Variants in UBE2W observed in about 807,000 individuals in gnomAD.
The protein encoded by UBE2W is ubiquitin conjugating enzyme E2 W, also known as ubiquitin-conjugating enzyme E2 W.
A neutral mutation model predicts 27.2 loss-of-function variants in UBE2W; 18 were observed. That is an observed-to-expected ratio of 0.66 (90% CI 0.46 to 0.98). The LOEUF (loss-of-function observed/expected upper bound fraction) is 0.98. Among genes scored for constraint, UBE2W ranks in the 50% least tolerant of loss-of-function variants. The pLI is 0.00. For synonymous variants in UBE2W, 53 were observed against 57.2 expected, an observed-to-expected ratio of 0.93 and a Z score of 0.33; for missense variants, 90 against 180.2, an observed-to-expected ratio of 0.50 and a Z score of 2.87.
At chr8:73,796,074 AAAAAAAAAAAG>A (rs1808401951) in intron 5 of UBE2W, among the ~76,000 whole-genome samples, 1 of 149,598 alleles carries the variant, frequency 6.7e-6, no homozygotes, top group African/African-American at 2.5e-5. Flanking sequence ...AAAAAAAAAA[AAAAAAAAAAAG>A]GGGGATGTTC....
intron 2 of UBE2W, 134 bp from the exon 3 acceptor site, chr8:73,825,383 C>A: frequency 1.7e-6 from 1 of 577,918 alleles, no homozygotes. Context: ...CACATGCCAG[C>A]CTCCCAATAA....
chr8:73,851,142 T>A (rs948216795), intron 1 of UBE2W, among the ~76,000 whole-genome samples: 2 of 152,146 alleles, frequency 1.3e-5, no homozygotes, highest in African/African-American at 2.4e-5. Context: ...TAAGACACCA[T>A]GCCCAGCGTC....
intron 3 of UBE2W, among the ~76,000 whole-genome samples, chr8:73,822,954 C>G (rs1196846804): frequency 6.6e-6 from 1 of 152,016 alleles, no homozygotes; most frequent in Non-Finnish European, 1.5e-5. Context: ...ACAAAATGTT[C>G]TTTGTTATTG....
At chr8:73,837,887 C>G (rs1810372851) in intron 1 of UBE2W, among the ~76,000 whole-genome samples, 1 of 152,018 alleles carries the variant, frequency 6.6e-6, no homozygotes, top group Admixed American at 6.5e-5. Context: ...GGCGAAAAGG[C>G]CTAAAGTTAT....
intron 1 of UBE2W, among the ~76,000 whole-genome samples, chr8:73,864,852 T>C (rs1273216507): frequency 6.6e-6 from 1 of 150,566 alleles, no homozygotes; most frequent in Non-Finnish European, 1.5e-5. Flanking sequence ...TCCACCCAAC[T>C]CAGCCTCCCA....
At chr8:73,805,472 C>CAAAAAAAAAAACAAAAAAAAAAAAA in intron 5 of UBE2W, among the ~76,000 whole-genome samples, 179 bp downstream of exon 5, 5 of 43,694 alleles carry the variant, frequency 1.1e-4, no homozygotes, top group Admixed American at 7.7e-4. Flanking sequence ...AAAAAAAAAA[C>CAAAAAAAAAAACAAAAAAAAAAAAA]AAAAAAAACT....
Position 73,793,861 on chromosome 8 carries a change from T to A in UBE2W, c.*241A>T. On this transcript the variant is annotated 3_prime_UTR_variant, in exon 6 of 6. Coordinates refer to ENST00000602593, the MANE Select transcript of UBE2W (RefSeq NM_018299.6). ...ATAAAAATAAAAAATGGAATTATAT[T>A]TGACATTTCCTGACACCTGCATTAA... The A allele has an allele frequency of 8.0e-7, 1 of 1,245,132 alleles. No individual in the cohort carries two copies. Among genetic ancestry groups the A allele is most frequent in the Non-Finnish European group, 1.0e-6 (1 of 987,442 alleles). The allele number at this position is 1,245,132 out of a possible 1,614,324, so 77.1% of individuals were successfully genotyped here.
chr8:73,785,625 G>A (rs913585848), downstream of UBE2W, among the ~76,000 whole-genome samples: 1 of 151,310 alleles, frequency 6.6e-6, no homozygotes, highest in Non-Finnish European at 1.5e-5. Context: ...ACGGAATCTC[G>A]CTCTGTCCCA....
At chr8:73,867,520 CGA>C (rs1364896207) in intron 1 of UBE2W, among the ~76,000 whole-genome samples, 1 of 150,724 alleles carries the variant, frequency 6.6e-6, no homozygotes, top group African/African-American at 2.4e-5. Context: ...GGCAACAGGG[CGA>C]GACTCTGTCT....
At chr8:73,824,323 G>A (rs1179772331) in intron 3 of UBE2W, among the ~76,000 whole-genome samples, 1 of 152,044 alleles carries the variant, frequency 6.6e-6, no homozygotes, top group African/African-American at 2.4e-5. Flanking sequence ...AACTCACTGG[G>A]CATCAAATTA....
intron 1 of UBE2W, among the ~76,000 whole-genome samples, chr8:73,857,340 C>T (rs944162306): frequency 6.6e-6 from 1 of 152,034 alleles, no homozygotes; most frequent in Non-Finnish European, 1.5e-5. Flanking sequence ...AGGTAGATAG[C>T]AAACTAAAGT....
downstream of UBE2W, among the ~76,000 whole-genome samples, chr8:73,782,868 A>T (rs1228200608): frequency 6.6e-6 from 1 of 152,210 alleles, no homozygotes; most frequent in Non-Finnish European, 1.5e-5. Flanking sequence ...AAGTGGTTAT[A>T]CAATTCTAAA....
rs1807988316 is a variant in UBE2W at position 73,787,109 on chromosome 8, C to T, written c.*6993G>A. 1.0e-6 allele frequency: 1 copy of T among 985,368 alleles called. No homozygotes were observed. 61.0% of individuals were successfully genotyped at this position (985,368 alleles called of 1,614,324 possible). A position where few individuals can be genotyped will look rare whatever the true frequency, so the allele number is the denominator to read the frequency against. On this transcript the variant is annotated 3_prime_UTR_variant, in exon 6 of 6. Transcript: ENST00000602593. ...TAACTGTAAAGGGCGTAGGGATTCCCACTTATGTATTTTGCATTATGCAGG... is the reference window on the plus strand; with the variant it reads ...TAACTGTAAAGGGCGTAGGGATTCCTACTTATGTATTTTGCATTATGCAGG...
intron 1 of UBE2W, among the ~76,000 whole-genome samples, chr8:73,840,845 A>G (rs188449068): frequency 2.0e-5 from 3 of 152,326 alleles, no homozygotes; most frequent in Admixed American, 2.0e-4. Context: ...ACTGTACTAT[A>G]TGATATATTA....
At chr8:73,840,080 G>A (rs1810477796) in intron 1 of UBE2W, among the ~76,000 whole-genome samples, 1 of 150,468 alleles carries the variant, frequency 6.6e-6, no homozygotes, top group Non-Finnish European at 1.5e-5. Flanking sequence ...CCCCCAAGAA[G>A]GAGTCTTGCT....
chr8:73,858,142 C>G (rs1468633219), intron 1 of UBE2W, among the ~76,000 whole-genome samples: 2 of 152,032 alleles, frequency 1.3e-5, no homozygotes, highest in Non-Finnish European at 2.9e-5. Flanking sequence ...GGGTGGATCA[C>G]CTGAGGTCAG....
chr8:73,841,755 G>A (rs1348527939), intron 1 of UBE2W, among the ~76,000 whole-genome samples: 1 of 152,184 alleles, frequency 6.6e-6, no homozygotes, highest in Non-Finnish European at 1.5e-5. Context: ...GTAAGGATTA[G>A]GACTGGATTT....
At position 73,786,257 on chromosome 8, in the gene UBE2W, CAA is replaced by C. The variant is rs1219556798; in HGVS notation, c.*7843_*7844del. ...ATGATTTATTTAAAAGTAGTTTTCT[CAA>C]ACTCTCTGGGATAGAAAGAGCAGGG... On this transcript the variant is annotated 3_prime_UTR_variant, in exon 6 of 6. Transcript: ENST00000602593. 2.0e-6 allele frequency: 2 copies of C among 985,326 alleles called. No homozygotes were observed. Among genetic ancestry groups the C allele is most frequent in the Non-Finnish European group, 2.4e-6 (2 of 829,942 alleles). The allele number at this position is 985,326 out of a possible 1,614,324, so 61.0% of individuals were successfully genotyped here. A position where few individuals can be genotyped will look rare whatever the true frequency, so the allele number is the denominator to read the frequency against.
chr8:73,862,212 G>A (rs1811560437), intron 1 of UBE2W, among the ~76,000 whole-genome samples: 1 of 152,186 alleles, frequency 6.6e-6, no homozygotes, highest in Admixed American at 6.6e-5. Context: ...GGCAGATCAT[G>A]TGAGGTCAGG....
Sources: allele counts gnomAD v4.1 joint callset (sites outside exome capture counted in the v4.1 genomes callset), GRCh38; gene constraint gnomAD v4.1.1; transcripts MANE v1.5; gene names NCBI Gene and HGNC (gene_info 2026-07-23, HGNC 2026-07-21).